The following TSNARE1 variants were observed in gnomAD, a reference collection of about 807,000 sequenced individuals.
TSNARE1 encodes t-SNARE domain-containing protein 1.
Under a neutral mutation model 62.0 loss-of-function variants are expected in TSNARE1, and 49 were observed. The ratio of observed to expected loss-of-function variants is 0.79; its 90% CI spans 0.63 to 1.00. The LOEUF (loss-of-function observed/expected upper bound fraction) is 1.00, where lower values mean the gene tolerates loss of function less well. TSNARE1 is among the 50% of genes least tolerant of loss of function. The pLI is 0.00. For synonymous variants in TSNARE1, 328 were observed against 294.4 expected (o/e 1.11, Z -1.17); for missense variants, 755 against 700.1 (o/e 1.08, Z -0.88).
chr8:142,293,240 C>T (rs971883125), intron 10 of TSNARE1, among the ~76,000 whole-genome samples: 7 of 152,240 alleles, frequency 4.6e-5, no homozygotes, highest in African/African-American at 1.7e-4. Context: ...GCTGAGCCAA[C>T]AGCAAAGCCC....
At chr8:142,312,048 GTTTTCAGATTTTGGATTTTA>G (rs1226140962) in intron 9 of TSNARE1, among the ~76,000 whole-genome samples, 1 of 152,134 alleles carries the variant, frequency 6.6e-6, no homozygotes, top group Admixed American at 6.5e-5. Flanking sequence ...TTTTGAACTT[GTTTTCAGATTTTGGATTTTA>G]TTTTCAGATT....
Position 142,319,451 on chromosome 8 carries a change from C to T in TSNARE1, c.894-817G>A, listed in dbSNP as rs780602280. Among the ~76,000 whole-genome samples, 3 of 152,070 alleles carry T rather than the reference C, an allele frequency of 2.0e-5. No homozygotes were observed. The highest frequency in any genetic ancestry group is 2.9e-5 in the Non-Finnish European group (2 of 68,004). On this transcript the variant is annotated intron_variant, in intron 6 of 13. Coordinates refer to ENST00000524325, the MANE Select transcript of TSNARE1 (RefSeq NM_145003.5). The surrounding 1 kb of genome is among the most constrained non-coding windows in gnomAD (Gnocchi z 4.9). Reference sequence around the variant, plus strand: ...ATGACCTCGAAAGCAACTGGGAAGACCAGCCCGTCTCCCGCTTGGGGTTCG... The same window carrying T: ...ATGACCTCGAAAGCAACTGGGAAGATCAGCCCGTCTCCCGCTTGGGGTTCG...
intron 13 of TSNARE1, among the ~76,000 whole-genome samples, chr8:142,226,983 G>GCCCCCCACTGCACCCACACAGCAGTGACA (rs1563760415): frequency 1.9e-5 from 2 of 107,030 alleles, no homozygotes; most frequent in African/African-American, 7.7e-5. Flanking sequence ...GTGACAGCAA[G>GCCCCCCACTGCACCCACACAGCAGTGACA]GCCCCCCACT....
chr8:142,389,709 G>C (rs569054170), intron 1 of TSNARE1, among the ~76,000 whole-genome samples: 1 of 152,214 alleles, frequency 6.6e-6, no homozygotes, highest in African/African-American at 2.4e-5. Context: ...CTTCGTCAAG[G>C]GAGGGAGGGA....
intron 13 of TSNARE1, among the ~76,000 whole-genome samples, chr8:142,220,829 T>C (rs945329641): frequency 2.0e-5 from 3 of 152,210 alleles, no homozygotes; most frequent in Non-Finnish European, 4.4e-5. Context: ...CCGCTAGCTG[T>C]GCAACCTCGG....
At chr8:142,261,701 C>T (rs1224269385) in intron 12 of TSNARE1, among the ~76,000 whole-genome samples, 4 of 152,114 alleles carry the variant, frequency 2.6e-5, no homozygotes, top group African/African-American at 7.2e-5. Context: ...TCTCCTTTAA[C>T]GATTGCGTTT....
At chr8:142,244,708 C>G (rs535231746) in intron 12 of TSNARE1, among the ~76,000 whole-genome samples, 1 of 152,226 alleles carries the variant, frequency 6.6e-6, no homozygotes, top group Non-Finnish European at 1.5e-5. Context: ...CAGGTCTCAT[C>G]GTTCCATACG....
At chr8:142,275,648 C>G (rs1022634195) in intron 11 of TSNARE1, 17 of 985,340 alleles carry the variant, frequency 1.7e-5, no homozygotes, top group Middle Eastern at 1.0e-3. Flanking sequence ...CACGGGCAAG[C>G]CTTCTTCCCG....
chr8:142,355,832 G>A (rs1474283992), intron 1 of TSNARE1, among the ~76,000 whole-genome samples: 2 of 152,150 alleles, frequency 1.3e-5, no homozygotes, highest in East Asian at 1.9e-4. Flanking sequence ...GGGGAAGGCG[G>A]TGTGACCCCA....
intron 12 of TSNARE1, among the ~76,000 whole-genome samples, chr8:142,252,548 G>A (rs1414658049): frequency 1.3e-5 from 2 of 152,256 alleles, no homozygotes; most frequent in African/African-American, 4.8e-5. Flanking sequence ...GCATGGTGTC[G>A]CTCAATCTTC....
At chr8:142,292,540 C>T (rs947759667) in intron 10 of TSNARE1, among the ~76,000 whole-genome samples, 3 of 152,104 alleles carry the variant, frequency 2.0e-5, no homozygotes, top group Non-Finnish European at 4.4e-5. Context: ...GTGCAAGCAG[C>T]TCACCCACCG....
chr8:142,237,143 T>A (rs1190193437), intron 12 of TSNARE1, among the ~76,000 whole-genome samples: 1 of 117,952 alleles, frequency 8.5e-6, no homozygotes, highest in Non-Finnish European at 1.7e-5. Context: ...CACCTCCTGC[T>A]CAGCCTCCCC....
chr8:142,340,510 T>C (rs1183123618), intron 4 of TSNARE1, among the ~76,000 whole-genome samples: 11 of 152,178 alleles, frequency 7.2e-5, no homozygotes, highest in Admixed American at 5.2e-4. Context: ...ATTGAGACAG[T>C]GGCGGTGGCT....
At chr8:142,365,602 GCACACACACACACA>G (rs1554674591) in intron 1 of TSNARE1, among the ~76,000 whole-genome samples, 4 of 144,404 alleles carry the variant, frequency 2.8e-5, no homozygotes, top group Non-Finnish European at 6.1e-5. Context: ...ACATGCACAC[GCACACACACACACA>G]CACACACACA....
intron 12 of TSNARE1, among the ~76,000 whole-genome samples, chr8:142,261,093 GGGAAGA>G (rs1424849031): frequency 6.7e-5 from 4 of 59,286 alleles, no homozygotes; most frequent in Admixed American, 1.6e-4. Flanking sequence ...GGAGGAAGGA[GGGAAGA>G]GAGGGGGAGC....
chr8:142,344,158 T>C lies in TSNARE1; in HGVS notation c.553A>G (p.Lys185Glu). 1.2e-6 allele frequency: 2 copies of C among 1,613,250 alleles called. No homozygotes were observed. The highest frequency in any genetic ancestry group is 1.7e-6 in the Non-Finnish European group (2 of 1,179,842). The change falls in exon 4 of 14, where the codon AAG becomes GAG. Residue 185 changes from lysine (K) to glutamate (E), a missense_variant. By Grantham distance (56) the Lys-to-Glu change is moderately conservative. Coordinates refer to ENST00000524325, the MANE Select transcript of TSNARE1 (RefSeq NM_145003.5). ...GYCRRDVVDL[K>E]HKWRDLRAVV... is the part of the protein sequence containing the mutation. ...GCTCGTAGGTCCCGCCACTTGTGCT[T>C]CAGGTCCACAACGTCGCGGCGACAG...
chr8:142,228,101 T>C (rs762131596), intron 13 of TSNARE1, among the ~76,000 whole-genome samples: 4 of 152,194 alleles, frequency 2.6e-5, no homozygotes, highest in Non-Finnish European at 4.4e-5. Context: ...GAATGGATCC[T>C]TCAGCCGCAG....
intron 2 of TSNARE1, among the ~76,000 whole-genome samples, chr8:142,347,918 C>T (rs1334144693): frequency 6.6e-6 from 1 of 152,352 alleles, no homozygotes; most frequent in South Asian, 2.1e-4. Context: ...ATCCACTCAC[C>T]CAAGTCCAGG....
intron 12 of TSNARE1, among the ~76,000 whole-genome samples, chr8:142,256,610 A>G (rs1165102274): frequency 6.6e-6 from 1 of 151,554 alleles, no homozygotes; most frequent in Non-Finnish European, 1.5e-5. Flanking sequence ...CATCACCATC[A>G]TCACCACCAC....
Sources: gnomAD v4.1 joint callset for allele counts (sites outside exome capture counted in the v4.1 genomes callset) on GRCh38, gnomAD v4.1.1 for gene constraint, Gnocchi (gnomAD v3.1) non-coding constraint, MANE v1.5 for transcripts, NCBI Gene and HGNC (gene_info 2026-07-23, HGNC 2026-07-21) for gene names.